The following NAALADL2 variants were observed in gnomAD, a reference collection of about 807,000 sequenced individuals.
The protein encoded by NAALADL2 is inactive N-acetylated-alpha-linked acidic dipeptidase-like protein 2.
Under a neutral mutation model 87.2 loss-of-function variants are expected in NAALADL2, and 76 were observed. The observed-to-expected ratio is 0.87, with a 90% CI of 0.72 to 1.05. The LOEUF (loss-of-function observed/expected upper bound fraction) is 1.05. NAALADL2 is among the 50% of genes least tolerant of loss of function. NAALADL2 has a pLI of 0.00. For missense variants in NAALADL2, 1,089 were observed against 945.8 expected, an observed-to-expected ratio of 1.15 and a Z score of -1.99; for synonymous variants, 354 against 331.0, an observed-to-expected ratio of 1.07 and a Z score of -0.75.
intron 5 of NAALADL2, among the ~76,000 whole-genome samples, chr3:175,342,042 T>A (rs1014435882): frequency 4.6e-5 from 7 of 152,138 alleles, no homozygotes; most frequent in Non-Finnish European, 4.4e-5. Flanking sequence ...TCTGTCCTTA[T>A]ACCAGTAATA....
rs185311265 is a variant in NAALADL2 at position 174,744,434 on chromosome 3, G to A, written c.-9+6688G>A. On this transcript the variant is annotated intron_variant, in intron 3 of 3. Transcript: ENST00000434257. ...ATATATATGCACCCAACACAGGAGC[G>A]CCCAGATTTATAAAACAAGTTCTTA... 5.2e-3 allele frequency among the ~76,000 whole-genome samples: 790 copies of A among 151,866 alleles called. 1 individual carries two copies. The highest frequency in any genetic ancestry group is 8.7e-3 in the Non-Finnish European group (593 of 67,790).
chr3:174,867,742 A>C (rs140666697), intron 1 of NAALADL2, among the ~76,000 whole-genome samples: 1,964 of 152,236 alleles, frequency 0.013, 42 homozygotes, highest in African/African-American at 0.045. Context: ...AGAAGCTTTA[A>C]ATAAAAGAAC....
intron 3 of NAALADL2, among the ~76,000 whole-genome samples, chr3:174,762,474 A>G (rs966745399): frequency 6.7e-6 from 1 of 148,512 alleles, no homozygotes; most frequent in Non-Finnish European, 1.5e-5. Context: ...ACTTGTTACC[A>G]TGTTCCGTAT....
intron 1 of NAALADL2, among the ~76,000 whole-genome samples, chr3:174,528,338 C>T (rs1177309876): frequency 6.6e-6 from 1 of 152,042 alleles, no homozygotes; most frequent in Non-Finnish European, 1.5e-5. Flanking sequence ...TAAAATATTA[C>T]AAATGTAGTC....
chr3:174,731,136 T>A (rs959436929), intron 2 of NAALADL2, among the ~76,000 whole-genome samples: 4 of 152,120 alleles, frequency 2.6e-5, no homozygotes, highest in African/African-American at 9.7e-5. Flanking sequence ...GCAACATTTA[T>A]GACTTTGAGC....
At chr3:175,513,767 G>A (rs1400884765) in intron 9 of NAALADL2, among the ~76,000 whole-genome samples, 1 of 152,166 alleles carries the variant, frequency 6.6e-6, no homozygotes. Flanking sequence ...AAGGACTTCA[G>A]AAAGATGTAC....
rs1008476334 is a variant in NAALADL2, at chr3:174,698,870, G to GAAAAAAAAAA, written c.-114-38767_-114-38758dup. Reference sequence around the variant, plus strand: ...CAGAGCGAGACTCCGTCTCAAAGAAGAAAAAAAAAAAAATTCTATTTAGAA... The same window carrying GAAAAAAAAAA: ...CAGAGCGAGACTCCGTCTCAAAGAAGAAAAAAAAAAAAAAAAAAAAAAATTCTATTTAGAA... On this transcript the variant is annotated intron_variant, in intron 2 of 3. Coordinates refer to the NAALADL2 transcript ENST00000434257. 2.4e-5 allele frequency among the ~76,000 whole-genome samples: 2 copies of GAAAAAAAAAA among 83,032 alleles called. 1 individual carries two copies. The highest frequency in any genetic ancestry group is 1.7e-4 in the African/African-American group (2 of 11,936). 54.5% of individuals were successfully genotyped at this position (83,032 alleles called of 152,430 possible).
intron 7 of NAALADL2, among the ~76,000 whole-genome samples, chr3:175,464,553 G>C: frequency 6.6e-6 from 1 of 152,118 alleles, no homozygotes; most frequent in East Asian, 1.9e-4. Flanking sequence ...ATACAGTGTA[G>C]CATGTAACAC....
In NAALADL2 at chr3:174,894,526, G is replaced by A. The variant is rs576424620; in HGVS notation, c.43+35076G>A. On this transcript the variant is annotated intron_variant, in intron 1 of 13. Transcript: ENST00000454872. Reference sequence around the variant, plus strand: ...CGAGGATCGCTTGGACCTGGGAGGCGGAGGTTGCAATGAGCCGAGATCATG... The same window carrying A: ...CGAGGATCGCTTGGACCTGGGAGGCAGAGGTTGCAATGAGCCGAGATCATG... Among the ~76,000 whole-genome samples the A allele has an allele frequency of 2.2e-3, 312 of 144,792 alleles. 1 individual carries two copies. The highest frequency in any genetic ancestry group is 3.8e-3 in the Non-Finnish European group (252 of 66,832). The allele number at this position is 144,792 out of a possible 152,430, so 95.0% of individuals were successfully genotyped here. A position where few individuals can be genotyped will look rare whatever the true frequency, so the allele number is the denominator to read the frequency against.
chr3:175,268,729 T>C (rs1001242279), intron 4 of NAALADL2, among the ~76,000 whole-genome samples: 3 of 152,130 alleles, frequency 2.0e-5, no homozygotes, highest in Non-Finnish European at 4.4e-5. Context: ...TTTAAACTTT[T>C]TGGTTAAAAA....
intron 2 of NAALADL2, among the ~76,000 whole-genome samples, chr3:174,621,043 T>C (rs1442640761): frequency 1.3e-5 from 2 of 151,966 alleles, no homozygotes; most frequent in African/African-American, 4.8e-5. Context: ...ACCTTAAGAA[T>C]ATATAATTAT....
chr3:175,459,705 C>T (rs1464978555), intron 6 of NAALADL2, among the ~76,000 whole-genome samples: 3 of 152,118 alleles, frequency 2.0e-5, no homozygotes, highest in African/African-American at 7.2e-5. Context: ...TTTAATTCCA[C>T]CATCCCTGGG....
chr3:175,034,016 G>T (rs1285560827), intron 1 of NAALADL2, among the ~76,000 whole-genome samples: 2 of 152,040 alleles, frequency 1.3e-5, no homozygotes, highest in Non-Finnish European at 2.9e-5. Flanking sequence ...AGTCTTCTCC[G>T]TTTCAGAATA....
At chr3:174,598,056 T>C (rs1026880605) in intron 2 of NAALADL2, among the ~76,000 whole-genome samples, 1 of 152,184 alleles carries the variant, frequency 6.6e-6, no homozygotes, top group Non-Finnish European at 1.5e-5. Context: ...AGTAATTCAG[T>C]ATTTGCCAGT....
intron 5 of NAALADL2, among the ~76,000 whole-genome samples, chr3:175,346,288 A>G (rs557540722): frequency 9.9e-5 from 15 of 152,226 alleles, no homozygotes; most frequent in African/African-American, 3.1e-4. Context: ...TTATACACAC[A>G]TGCATACACA....
intron 3 of NAALADL2, among the ~76,000 whole-genome samples, chr3:174,790,897 G>T (rs1032633631): frequency 3.3e-5 from 5 of 151,914 alleles, no homozygotes; most frequent in African/African-American, 1.2e-4. Flanking sequence ...GGATATTGTT[G>T]AGATACAATT....
intron 4 of NAALADL2, among the ~76,000 whole-genome samples, chr3:175,287,571 T>C (rs1414077545): frequency 6.6e-6 from 1 of 152,194 alleles, no homozygotes; most frequent in African/African-American, 2.4e-5. Context: ...CTGTGGGAGT[T>C]TGAATTCAAG....
chr3:175,061,728 AATATAT>A (rs149495848), intron 1 of NAALADL2, among the ~76,000 whole-genome samples: 3,567 of 141,544 alleles, frequency 0.025, 137 homozygotes, highest in African/African-American at 0.087. Context: ...CACTTGCACA[AATATAT>A]ATATATATAT....
intron 11 of NAALADL2, among the ~76,000 whole-genome samples, chr3:175,633,094 G>T (rs62284540): frequency 6.6e-6 from 1 of 151,918 alleles, no homozygotes; most frequent in Admixed American, 6.6e-5. Flanking sequence ...AGGATAGAGC[G>T]GTTCATGTAG....
Sources: gnomAD v4.1 joint callset for allele counts (sites outside exome capture counted in the v4.1 genomes callset) on GRCh38, gnomAD v4.1.1 for gene constraint, MANE v1.5 for transcripts, NCBI Gene and HGNC (gene_info 2026-07-23, HGNC 2026-07-21) for gene names.